Variants in TGFBR3 observed in about 807,000 individuals in gnomAD.
TGFBR3 encodes transforming growth factor beta receptor 3, also known as transforming growth factor beta receptor type 3.
A neutral mutation model predicts 87.9 loss-of-function variants in TGFBR3; 46 were observed. That is an observed-to-expected ratio of 0.52 (90% CI 0.41 to 0.67). The LOEUF is 0.67. Ranked by LOEUF, TGFBR3 falls within the 30% of genes least tolerant of loss-of-function variation. The pLI is 0.00. For synonymous variants in TGFBR3, 381 were observed against 391.6 expected (o/e 0.97, Z 0.32); for missense variants, 866 against 1,041.9 (o/e 0.83, Z 2.32).
intron 2 of TGFBR3, among the ~76,000 whole-genome samples, chr1:91,834,865 A>C (rs1677000040): frequency 6.6e-6 from 1 of 152,148 alleles, no homozygotes; most frequent in South Asian, 2.1e-4. Flanking sequence ...TTTTTAGTAG[A>C]GTCAGGGTTT....
intron 7 of TGFBR3, 83 bp from the exon 8 acceptor site, chr1:91,722,227 T>A: frequency 9.0e-7 from 1 of 1,105,818 alleles, no homozygotes; most frequent in Non-Finnish European, 1.3e-6. Flanking sequence ...CTTAAATAAG[T>A]AGATTCTATA....
In TGFBR3 at chr1:91,683,474, A is replaced by AG; in HGVS notation, c.*264dup. On this transcript the variant is annotated 3_prime_UTR_variant, in exon 17 of 17. Transcript: ENST00000212355. The stretch of plus-strand genomic sequence containing the variant: ...CACATTGAAAACCCCCAAGCCTGTG[A>AG]GGGGCTGGTGGAGAAGACCACCATT... The AG allele has an allele frequency of 1.5e-6, 1 of 663,832 alleles. No homozygotes were observed. Among genetic ancestry groups the AG allele is most frequent in the South Asian group, 1.5e-5 (1 of 66,356 alleles). The allele number at this position is 663,832 out of a possible 1,614,324, so 41.1% of individuals were successfully genotyped here. A position where few individuals can be genotyped will look rare whatever the true frequency, so the allele number is the denominator to read the frequency against.
At chr1:91,694,632 T>C (rs1312675186) in intron 16 of TGFBR3, among the ~76,000 whole-genome samples, 3 of 152,216 alleles carry the variant, frequency 2.0e-5, no homozygotes, top group Non-Finnish European at 4.4e-5. Context: ...ACTTCCTTCC[T>C]CTTTAAATCA....
intron 1 of TGFBR3, among the ~76,000 whole-genome samples, chr1:91,903,027 T>TGA (rs1679765823): frequency 7.5e-6 from 1 of 134,128 alleles, no homozygotes; most frequent in Admixed American, 7.7e-5. Flanking sequence ...GCACCTCACT[T>TGA]AAAAAAAAAA....
intron 2 of TGFBR3, among the ~76,000 whole-genome samples, chr1:91,816,718 ATTT>A (rs1676240823): frequency 1.3e-5 from 2 of 152,232 alleles, no homozygotes; most frequent in South Asian, 4.1e-4. Context: ...TTCAAGTATA[ATTT>A]TACCTAGCAG....
chr1:91,699,969 T>C (rs756217918), intron 14 of TGFBR3, among the ~76,000 whole-genome samples: 6 of 152,248 alleles, frequency 3.9e-5, no homozygotes, highest in Admixed American at 6.5e-5. Context: ...TATTTTGAAA[T>C]GATTTTTTAA....
At chr1:91,787,956 A>AAAAAAC (rs906528422) in intron 3 of TGFBR3, among the ~76,000 whole-genome samples, 1 of 150,068 alleles carries the variant, frequency 6.7e-6, no homozygotes, top group African/African-American at 2.5e-5. Flanking sequence ...AAAAAAAAAA[A>AAAAAAC]CCCCAAGAAG....
intron 1 of TGFBR3, among the ~76,000 whole-genome samples, chr1:91,877,973 T>A (rs1347351568): frequency 1.3e-5 from 2 of 152,216 alleles, no homozygotes; most frequent in Non-Finnish European, 2.9e-5. Context: ...GATCAGAAAC[T>A]TCTCCCACAC....
intron 2 of TGFBR3, among the ~76,000 whole-genome samples, chr1:91,842,110 A>T (rs973787296): frequency 4.0e-5 from 6 of 150,160 alleles, no homozygotes; most frequent in African/African-American, 1.5e-4. Flanking sequence ...AAAAAAAAAA[A>T]GAAAGAAAGA....
intron 3 of TGFBR3, among the ~76,000 whole-genome samples, chr1:91,765,616 C>A (rs537361739): frequency 3.9e-5 from 6 of 152,102 alleles, no homozygotes; most frequent in East Asian, 3.9e-4. Flanking sequence ...CCATGGGAAC[C>A]ATAAAAGGCA....
intron 10 of TGFBR3, 49 bp from the exon 11 acceptor site, chr1:91,716,757 G>C (rs368973072): frequency 6.2e-7 from 1 of 1,609,118 alleles, no homozygotes; most frequent in East Asian, 2.2e-5. Context: ...ACCAAACCAT[G>C]TGTGTTTGGT....
chr1:91,872,217 C>T (rs549150244), intron 1 of TGFBR3, among the ~76,000 whole-genome samples: 224 of 152,294 alleles, frequency 1.5e-3, no homozygotes, highest in Middle Eastern at 0.014. Context: ...TACTATTACA[C>T]TAATACAAAT....
chr1:91,725,506 G>A (rs1291201229), intron 7 of TGFBR3, among the ~76,000 whole-genome samples: 1 of 152,176 alleles, frequency 6.6e-6, no homozygotes, highest in Non-Finnish European at 1.5e-5. Context: ...GTTAGAGAAG[G>A]AGAACCTAAG....
intron 16 of TGFBR3, among the ~76,000 whole-genome samples, chr1:91,686,606 T>TGAA (rs1557656284): frequency 8.5e-4 from 36 of 42,226 alleles, no homozygotes; most frequent in African/African-American, 3.1e-3. Context: ...TTTTGACAGA[T>TGAA]TAAGTTTTTT....
chr1:91,836,183 G>A (rs1035651051), intron 2 of TGFBR3, among the ~76,000 whole-genome samples: 3 of 152,008 alleles, frequency 2.0e-5, no homozygotes, highest in Admixed American at 2.0e-4. Flanking sequence ...GGAGGCAGAG[G>A]TTGCGGTGAG....
intron 2 of TGFBR3, among the ~76,000 whole-genome samples, chr1:91,855,775 A>AT (rs1392415219): frequency 6.6e-6 from 1 of 152,180 alleles, no homozygotes; most frequent in Non-Finnish European, 1.5e-5. Context: ...TCAAGCACTT[A>AT]TTTTTTAAAC....
chr1:91,815,521 C>T (rs750665168), intron 2 of TGFBR3, among the ~76,000 whole-genome samples: 1 of 151,898 alleles, frequency 6.6e-6, no homozygotes, highest in Non-Finnish European at 1.5e-5. Flanking sequence ...CTTTACGTTA[C>T]AAAAAAGAAG....
At chr1:91,720,831 A>G (rs1441218746) in intron 8 of TGFBR3, among the ~76,000 whole-genome samples, 1 of 152,242 alleles carries the variant, frequency 6.6e-6, no homozygotes, top group Non-Finnish European at 1.5e-5. Flanking sequence ...TTGAAACAAT[A>G]TTGGTATGTT....
At chr1:91,893,961 G>C (rs1679498171) in intron 2 of TGFBR3, among the ~76,000 whole-genome samples, 1 of 150,546 alleles carries the variant, frequency 6.6e-6, no homozygotes, top group Non-Finnish European at 1.5e-5. Context: ...CAGGCGCGGT[G>C]GCTCACACCT....
Sources: gnomAD v4.1 joint callset for allele counts (sites outside exome capture counted in the v4.1 genomes callset) on GRCh38, gnomAD v4.1.1 for gene constraint, MANE v1.5 for transcripts, NCBI Gene and HGNC (gene_info 2026-07-23, HGNC 2026-07-21) for gene names.